IGFL2: variants seen among roughly 807,000 people sequenced by gnomAD.
The protein encoded by IGFL2 is IGF like family member 2, also known as insulin growth factor-like family member 2.
A neutral mutation model predicts 13.9 loss-of-function variants in IGFL2; 7 were observed. That is an observed-to-expected ratio of 0.51 (90% CI 0.29 to 0.95). The LOEUF is 0.95. IGFL2 is among the 40% of genes least tolerant of loss of function. The probability of loss-of-function intolerance (pLI) is 0.08; values close to 1 mark genes in which losing one functional copy is unlikely to be tolerated. For synonymous variants in IGFL2, 55 were observed against 55.8 expected (o/e 0.99, Z 0.07); for missense variants, 138 against 147.8 (o/e 0.93, Z 0.34).
the IGFL2 span, chr19:46,189,283 CT>C: frequency 1.3e-5 from 2 of 152,318 alleles, no homozygotes; most frequent in Non-Finnish European, 2.9e-5. Context: ...ATTTCAGAGA[CT>C]TTTAGTACTT....
At chr19:46,196,276 A>G in the IGFL2 span, 2 of 253,338 alleles carry the variant, frequency 7.9e-6, no homozygotes, top group East Asian at 1.5e-4. Context: ...GGAGGACAGG[A>G]CCCCATTCCC....
chr19:46,176,210 G>C, the IGFL2 span, among the ~76,000 whole-genome samples: 5 of 151,164 alleles, frequency 3.3e-5, no homozygotes, highest in Non-Finnish European at 7.4e-5. Context: ...AAAGAAAACT[G>C]GAGAAGGATC....
the IGFL2 span, among the ~76,000 whole-genome samples, chr19:46,132,690 AAAGAAG>A: frequency 6.8e-6 from 1 of 146,002 alleles, no homozygotes; most frequent in African/African-American, 2.5e-5. Context: ...GAGGGAGAGG[AAAGAAG>A]AAGAAAGGGA....
At chr19:46,123,329 CT>C in the IGFL2 span, among the ~76,000 whole-genome samples, 2 of 150,776 alleles carry the variant, frequency 1.3e-5, no homozygotes, top group African/African-American at 4.9e-5. Flanking sequence ...AACAAAAGGA[CT>C]ACTTAAACTG....
At chr19:46,188,414 G>GC in the IGFL2 span, among the ~76,000 whole-genome samples, 125 of 151,558 alleles carry the variant, frequency 8.2e-4, 1 homozygote, top group African/African-American at 1.6e-3. Flanking sequence ...TCCTGTGACC[G>GC]CCCCCCCCAC....
At chr19:46,078,892 A>G in the IGFL2 span, among the ~76,000 whole-genome samples, 986 of 94,016 alleles carry the variant, frequency 0.01, 11 homozygotes, top group Non-Finnish European at 0.016. Context: ...AGGCGTCGTC[A>G]GTAGACATCG....
chr19:46,151,536 A>G (rs955826796), intron 1 of IGFL2, among the ~76,000 whole-genome samples: 7 of 151,996 alleles, frequency 4.6e-5, no homozygotes, highest in African/African-American at 1.5e-4. Flanking sequence ...CAATTCTACA[A>G]TTTTGTTCTT....
the IGFL2 span, among the ~76,000 whole-genome samples, chr19:46,174,322 G>T: frequency 6.6e-6 from 1 of 152,206 alleles, no homozygotes; most frequent in Non-Finnish European, 1.5e-5. Flanking sequence ...CCGGGCCCTT[G>T]TAAGTGCAGG....
chr19:46,176,931 T>C, the IGFL2 span, among the ~76,000 whole-genome samples: 1 of 152,240 alleles, frequency 6.6e-6, no homozygotes, highest in African/African-American at 2.4e-5. Context: ...TATTGCCCAG[T>C]TGGGAGAAGA....
chr19:46,161,250 T>C lies in IGFL2; in HGVS notation c.*162T>C. On this transcript the variant is annotated 3_prime_UTR_variant, in exon 4 of 4. Transcript: ENST00000377693. ...ACTGATGGGACATGGAGAATGACAG[T>C]AGATTATCAGGAAATAAATAAAGTG... The C allele has an allele frequency of 1.7e-6, 1 of 599,620 alleles. No homozygotes were observed. The highest frequency in any genetic ancestry group is 2.2e-5 in the South Asian group (1 of 45,170). 37.1% of individuals were successfully genotyped at this position (599,620 alleles called of 1,614,324 possible).
chr19:46,155,271 A>G (rs1973754990), intron 1 of IGFL2, among the ~76,000 whole-genome samples: 1 of 152,216 alleles, frequency 6.6e-6, no homozygotes, highest in Admixed American at 6.5e-5. Flanking sequence ...ATGCTGGTGC[A>G]CTGCCCTTTC....
chr19:46,138,055 T>C, the IGFL2 span, among the ~76,000 whole-genome samples: 1 of 152,222 alleles, frequency 6.6e-6, no homozygotes, highest in Non-Finnish European at 1.5e-5. Flanking sequence ...GAACCATTGC[T>C]GGGAAGCTAG....
chr19:46,198,210 A>T, the IGFL2 span: 3 of 151,684 alleles, frequency 2.0e-5, 1 homozygote, highest in South Asian at 6.3e-4. Flanking sequence ...CTTGAGCTCA[A>T]GCAATCCTCC....
the IGFL2 span, among the ~76,000 whole-genome samples, chr19:46,200,285 C>T: frequency 5.3e-5 from 8 of 152,126 alleles, no homozygotes; most frequent in Non-Finnish European, 1.2e-4. Context: ...TCTCCTGCCT[C>T]AGCCCCTGAG....
chr19:46,210,665 C>T, the IGFL2 span, among the ~76,000 whole-genome samples: 8 of 152,154 alleles, frequency 5.3e-5, no homozygotes, highest in African/African-American at 1.7e-4. Context: ...TCACGTTTTT[C>T]TTCCTGCTTT....
the IGFL2 span, among the ~76,000 whole-genome samples, chr19:46,084,277 A>G: frequency 3.9e-5 from 6 of 152,190 alleles, no homozygotes; most frequent in African/African-American, 1.4e-4. Flanking sequence ...CTGTTGGATG[A>G]ACTGTTTTGT....
the IGFL2 span, chr19:46,213,337 C>G: frequency 2.0e-5 from 3 of 152,632 alleles, no homozygotes; most frequent in East Asian, 1.9e-4. Context: ...AGCGACCCAG[C>G]CTGTCTCTGC....
chr19:46,167,973 A>G, the IGFL2 span, among the ~76,000 whole-genome samples: 3 of 152,226 alleles, frequency 2.0e-5, no homozygotes, highest in Non-Finnish European at 2.9e-5. Context: ...AGTCTGTGGT[A>G]TTTTGTTATG....
the IGFL2 span, chr19:46,137,462 A>G: frequency 9.2e-7 from 1 of 1,084,588 alleles, no homozygotes; most frequent in African/African-American, 1.5e-5. Context: ...ATCTTGAAGA[A>G]TCTGCACAGA....
Sources: gnomAD v4.1 joint callset for allele counts (sites outside exome capture counted in the v4.1 genomes callset) on GRCh38, gnomAD v4.1.1 for gene constraint, MANE v1.5 for transcripts, NCBI Gene and HGNC (gene_info 2026-07-23, HGNC 2026-07-21) for gene names.